SUCLG2: variants seen among roughly 807,000 people sequenced by gnomAD.
The protein encoded by SUCLG2 is succinate-CoA ligase GDP-forming subunit beta, also known as succinate--CoA ligase [GDP-forming] subunit beta, mitochondrial.
SUCLG2 carries 42 observed loss-of-function variants against 47.9 expected under a neutral mutation model. The ratio of observed to expected loss-of-function variants is 0.88; its 90% CI spans 0.69 to 1.14. The LOEUF (loss-of-function observed/expected upper bound fraction) is 1.14. Ranked by LOEUF, SUCLG2 falls within the 50% of genes most tolerant of loss-of-function variation. The pLI, the probability that SUCLG2 is intolerant of heterozygous loss-of-function variation, is 0.00. For synonymous variants in SUCLG2, 195 were observed against 197.3 expected, an observed-to-expected ratio of 0.99 and a Z score of 0.10; for missense variants, 571 against 525.9, an observed-to-expected ratio of 1.09 and a Z score of -0.84.
intron 7 of SUCLG2, 27 bp from the exon 8 acceptor site, chr3:67,498,322 T>C (rs762033354): frequency 1.1e-4 from 180 of 1,609,182 alleles, no homozygotes; most frequent in Non-Finnish European, 1.4e-4. Context: ...ACAATCATAC[T>C]TGAATATCTC....
chr3:67,509,889 TGA>T lies in SUCLG2; in HGVS notation c.661-988_661-987del, dbSNP rs1705738735. 2.6e-5 allele frequency among the ~76,000 whole-genome samples: 4 copies of T among 152,294 alleles called. No individual in the cohort carries two copies. The South Asian group carries it at 8.3e-4, about 32-fold the overall frequency. On this transcript the variant is annotated intron_variant, in intron 6 of 10. Transcript: ENST00000307227. Reference sequence around the variant, plus strand: ...ATCAGAGAAGGTGACTCTTACAGGCTGAGTTTTCTAGGTTCCTGGGTCAGCTG... The same window carrying T: ...ATCAGAGAAGGTGACTCTTACAGGCTGTTTTCTAGGTTCCTGGGTCAGCTG...
chr3:67,556,276 G>C (rs534912020), intron 2 of SUCLG2, among the ~76,000 whole-genome samples: 88 of 152,292 alleles, frequency 5.8e-4, no homozygotes, highest in African/African-American at 2.1e-3. Context: ...TGTCCTGGGG[G>C]GCAGCAGTGC....
intron 7 of SUCLG2, among the ~76,000 whole-genome samples, chr3:67,500,363 T>C (rs73088944): frequency 0.11 from 17,436 of 152,188 alleles, 1,229 homozygotes; most frequent in East Asian, 0.32. Flanking sequence ...ATACTTGTTA[T>C]AAGTATATAT....
Position 67,634,361 on chromosome 3 carries a change from T to C in SUCLG2, c.84+20142A>G, listed in dbSNP as rs577316225. On this transcript the variant is annotated intron_variant, in intron 1 of 10. Transcript: ENST00000307227. ...ACTTTGGGAGGCCGAGGCAGGAGGATTGCTTGAGCAAGACCCACTCTCAAT... is the reference window on the plus strand; with the variant it reads ...ACTTTGGGAGGCCGAGGCAGGAGGACTGCTTGAGCAAGACCCACTCTCAAT... 3.9e-5 allele frequency among the ~76,000 whole-genome samples: 6 copies of C among 152,246 alleles called. 1 individual carries two copies. The highest frequency in any genetic ancestry group is 3.9e-4 in the East Asian group (2 of 5,176).
intron 2 of SUCLG2, among the ~76,000 whole-genome samples, chr3:67,530,502 T>C (rs1011256213): frequency 4.6e-5 from 7 of 152,208 alleles, no homozygotes; most frequent in African/African-American, 1.7e-4. Context: ...ATCATCATTG[T>C]TACCCACAGG....
intron 10 of SUCLG2, among the ~76,000 whole-genome samples, chr3:67,396,344 C>T (rs558530258): frequency 5.3e-5 from 8 of 152,144 alleles, no homozygotes; most frequent in Admixed American, 2.6e-4. Context: ...GGGGATATCA[C>T]CACCGATCCC....
intron 9 of SUCLG2, among the ~76,000 whole-genome samples, chr3:67,418,972 C>T (rs1303858276): frequency 6.6e-6 from 1 of 151,666 alleles, no homozygotes; most frequent in Non-Finnish European, 1.5e-5. Flanking sequence ...GCTCTCTATG[C>T]CAAGTCATGG....
chr3:67,464,227 C>G (rs1455872124), intron 9 of SUCLG2, among the ~76,000 whole-genome samples: 1 of 152,124 alleles, frequency 6.6e-6, no homozygotes, highest in Non-Finnish European at 1.5e-5. Context: ...GCAATCAGCA[C>G]TTTACTTAAA....
At chr3:67,628,866 G>C (rs1321398030) in intron 1 of SUCLG2, among the ~76,000 whole-genome samples, 1 of 152,086 alleles carries the variant, frequency 6.6e-6, no homozygotes, top group Non-Finnish European at 1.5e-5. Context: ...AACTAATACA[G>C]CAAGTTGGGA....
chr3:67,386,264 T>C, intron 10 of SUCLG2, among the ~76,000 whole-genome samples: 1 of 151,238 alleles, frequency 6.6e-6, no homozygotes. Context: ...AATTTTTTTT[T>C]TTTTTTGTAT....
intron 2 of SUCLG2, among the ~76,000 whole-genome samples, chr3:67,602,892 AAG>A (rs1218724286): frequency 6.6e-6 from 1 of 152,182 alleles, no homozygotes; most frequent in African/African-American, 2.4e-5. Context: ...AATTACGAAA[AAG>A]AAATTGGGAG....
chr3:67,409,001 G>C (rs1575676868), intron 9 of SUCLG2: 1 of 1,535,350 alleles, frequency 6.5e-7, no homozygotes, highest in Non-Finnish European at 8.7e-7. Context: ...CTGTATTCTG[G>C]TGCCCAAGTA....
intron 7 of SUCLG2, among the ~76,000 whole-genome samples, chr3:67,507,656 TTC>T (rs1333835054): frequency 1.3e-5 from 2 of 152,348 alleles, no homozygotes; most frequent in East Asian, 3.9e-4. Flanking sequence ...ATAGTGTAGT[TTC>T]TCTGAGTCTA....
rs80078787 is a variant in SUCLG2 at position 67,494,724 on chromosome 3, G to A, written c.1062+1074C>T. On this transcript the variant is annotated intron_variant, in intron 9 of 10. Coordinates refer to ENST00000307227, the MANE Select transcript of SUCLG2 (RefSeq NM_003848.4). ...CCTGTTAAAAGAATGAATGAAAACCGTGTACATTAGACTTTCAAAATATTT... is the reference window on the plus strand; with the variant it reads ...CCTGTTAAAAGAATGAATGAAAACCATGTACATTAGACTTTCAAAATATTT... Among the ~76,000 whole-genome samples the A allele has an allele frequency of 4.9e-3, 744 of 152,276 alleles. 15 individuals are homozygous for A. In the East Asian group the frequency reaches 0.064, roughly 13 times the overall value.
chr3:67,564,946 G>A (rs1249551047), intron 2 of SUCLG2, among the ~76,000 whole-genome samples: 1 of 151,056 alleles, frequency 6.6e-6, no homozygotes, highest in Admixed American at 6.6e-5. Flanking sequence ...AATGTACCTT[G>A]TATTCTAACA....
At chr3:67,636,634 G>A (rs1028509818) in intron 1 of SUCLG2, among the ~76,000 whole-genome samples, 3 of 151,844 alleles carry the variant, frequency 2.0e-5, no homozygotes, top group African/African-American at 4.8e-5. Context: ...TTACAGGCGT[G>A]AGCCACTGCA....
intron 10 of SUCLG2, among the ~76,000 whole-genome samples, chr3:67,389,200 G>A (rs1001905288): frequency 7.9e-5 from 12 of 152,078 alleles, no homozygotes; most frequent in Non-Finnish European, 1.6e-4. Flanking sequence ...AGACAACAAG[G>A]GGAATCTAAG....
In SUCLG2 at chr3:67,591,269, T is replaced by C. The variant is rs190248920; in HGVS notation, c.226+18186A>G. The stretch of plus-strand genomic sequence containing the variant: ...GGAAGCTAGGACAAACAAAGAGAAA[T>C]GCAAAATGAGCTGGCAGGTGGGTTA... On this transcript the variant is annotated intron_variant, in intron 2 of 10. Transcript: ENST00000307227. 1.9e-3 allele frequency among the ~76,000 whole-genome samples: 294 copies of C among 152,204 alleles called. 3 individuals carry two copies. Among genetic ancestry groups the C allele is most frequent in the South Asian group, 0.018 (87 of 4,820 alleles).
At chr3:67,454,961 CAAAAAAA>C (rs61683854) in intron 9 of SUCLG2, among the ~76,000 whole-genome samples, 20 of 111,588 alleles carry the variant, frequency 1.8e-4, no homozygotes, top group Middle Eastern at 4.3e-3. Context: ...GACTCCGTCT[CAAAAAAA>C]AAAAAAAAAA....
Sources: allele counts gnomAD v4.1 joint callset (sites outside exome capture counted in the v4.1 genomes callset), GRCh38; gene constraint gnomAD v4.1.1; transcripts MANE v1.5; gene names NCBI Gene and HGNC (gene_info 2026-07-23, HGNC 2026-07-21).